SP3: variants seen among roughly 807,000 people sequenced by gnomAD.
SP3 encodes transcription factor Sp3.
A neutral mutation model predicts 70.3 loss-of-function variants in SP3; 10 were observed. The ratio of observed to expected loss-of-function variants is 0.14; its 90% CI spans 0.09 to 0.24. SP3 has a LOEUF of 0.24. Among genes scored for constraint, SP3 ranks in the 10% least tolerant of loss-of-function variants. The probability of loss-of-function intolerance (pLI) is 1.00; values close to 1 mark genes in which losing one functional copy is unlikely to be tolerated. For missense variants in SP3, 825 were observed against 914.6 expected (o/e 0.90, Z 1.26); for synonymous variants, 402 against 333.5 (o/e 1.21, Z -2.24).
At position 173,944,869 on chromosome 2, in the gene SP3, C is replaced by T. The variant is rs180975945; in HGVS notation, c.1639+10004G>A. On this transcript the variant is annotated intron_variant, in intron 4 of 6. Coordinates refer to ENST00000310015, the MANE Select transcript of SP3 (RefSeq NM_003111.5). ...CGGTGGTTCATGCCTGTAATCCCAGCACTTTGGGAGGCCAAGGCAGCTGGA... is the reference window on the plus strand; with the variant it reads ...CGGTGGTTCATGCCTGTAATCCCAGTACTTTGGGAGGCCAAGGCAGCTGGA... Among the ~76,000 whole-genome samples the T allele has an allele frequency of 6.6e-5, 10 of 152,296 alleles. 1 individual carries two copies. In the East Asian group the frequency reaches 1.7e-3, roughly 26 times the overall value.
At chr2:173,961,599 G>A (rs891566048) in intron 3 of SP3, among the ~76,000 whole-genome samples, 3 of 152,128 alleles carry the variant, frequency 2.0e-5, no homozygotes, top group African/African-American at 7.2e-5. Context: ...AGGGGAAGCT[G>A]GATGAAGGGT....
Position 173,906,442 on chromosome 2 carries a change from G to A in SP3, c.*3499C>T, listed in dbSNP as rs1160492069. On this transcript the variant is annotated 3_prime_UTR_variant, in exon 7 of 7. Coordinates refer to ENST00000310015, the MANE Select transcript of SP3 (RefSeq NM_003111.5). ...TTATTGTCAGACAACAAAAGACTTA[G>A]TACTCATTCATGGCAGTCAGTTTTA... 3.3e-5 allele frequency: 5 copies of A among 152,122 alleles called. No individual in the cohort carries two copies. The highest frequency in any genetic ancestry group is 6.6e-5 in the Admixed American group (1 of 15,266). The allele number at this position is 152,122 out of a possible 1,614,324, so 9.4% of individuals were successfully genotyped here. A position where few individuals can be genotyped will look rare whatever the true frequency, so the allele number is the denominator to read the frequency against.
At chr2:173,942,938 G>A (rs11674720) in intron 4 of SP3, among the ~76,000 whole-genome samples, 8,522 of 152,072 alleles carry the variant, frequency 0.056, 323 homozygotes, top group Non-Finnish European at 0.083. Flanking sequence ...ATTATATTAG[G>A]TATTATAAGT....
At chr2:173,949,447 C>T (rs1427933124) in intron 4 of SP3, among the ~76,000 whole-genome samples, 1 of 151,966 alleles carries the variant, frequency 6.6e-6, no homozygotes, top group East Asian at 1.9e-4. Context: ...GAGCACACTG[C>T]CAAGACACTA....
intron 4 of SP3, among the ~76,000 whole-genome samples, chr2:173,948,467 T>G (rs570872601): frequency 1.3e-5 from 2 of 152,234 alleles, no homozygotes; most frequent in South Asian, 4.1e-4. Flanking sequence ...TATATAGGGT[T>G]TGGTACTCCC....
chr2:173,960,862 G>C (rs1298356119), intron 3 of SP3, among the ~76,000 whole-genome samples: 1 of 152,148 alleles, frequency 6.6e-6, no homozygotes, highest in Non-Finnish European at 1.5e-5. Flanking sequence ...TGTCGTCCCA[G>C]TTACTCGGGA....
upstream of SP3, chr2:173,965,421 G>T: frequency 1.9e-6 from 1 of 538,426 alleles, no homozygotes; most frequent in South Asian, 2.2e-5. Context: ...ATTCGCCGCC[G>T]TGCTCTTTGT....
In SP3 at chr2:173,904,192, TG is replaced by T. The variant is rs1176479173; in HGVS notation, c.*5748del. ...GCAGGAATGCTCGCTTACCTCCTGC[TG>T]TATGGCCTGGTTCCTCACAGACCAG... On this transcript the variant is annotated 3_prime_UTR_variant, in exon 7 of 7. Coordinates refer to ENST00000310015, the MANE Select transcript of SP3 (RefSeq NM_003111.5). 3.3e-5 allele frequency among the ~76,000 whole-genome samples: 5 copies of T among 152,278 alleles called. No individual in the cohort carries two copies. In the East Asian group the frequency reaches 9.6e-4, roughly 29 times the overall value.
chr2:173,941,932 T>C (rs1156533942), intron 4 of SP3, among the ~76,000 whole-genome samples: 1 of 152,238 alleles, frequency 6.6e-6, no homozygotes, highest in African/African-American at 2.4e-5. Context: ...TTTTAGTCTA[T>C]TTCCATTGTT....
intron 4 of SP3, among the ~76,000 whole-genome samples, chr2:173,932,392 T>C (rs1559097958): frequency 6.6e-6 from 1 of 152,142 alleles, no homozygotes; most frequent in Non-Finnish European, 1.5e-5. Flanking sequence ...GGTTTCACCA[T>C]GTTGGCCAGG....
At chr2:173,960,947 G>A (rs1691052698) in intron 3 of SP3, among the ~76,000 whole-genome samples, 1 of 152,136 alleles carries the variant, frequency 6.6e-6, no homozygotes, top group African/African-American at 2.4e-5. Flanking sequence ...CTGCACTCCA[G>A]TCTGGGCGAC....
rs756679313 is a variant in SP3 at position 173,963,775 on chromosome 2, C to T, written c.265G>A (p.Ala89Thr). The change falls in exon 3 of 7, where the codon GCC becomes ACC. Residue 89 changes from alanine (A) to threonine (T), a missense_variant. Around this residue, in one of 4 missense-constraint regions of SP3, gnomAD observed 678 missense variants for 651.6 expected, o/e 1.04. Transcript: ENST00000310015. Reference protein sequence around the residue: ...EEAAAAAGAPAAAGATGDLAS... With the variant: ...EEAAAAAGAPTAAGATGDLAS... ...GCGGGACTTACCGCTCCGGCGGCGG[C>T]GGGGGCCCCGGCTGCGGCGGCCGCC... The T allele has an allele frequency of 3.8e-6, 5 of 1,324,410 alleles. No homozygotes were observed. The Admixed American group carries it at 9.7e-5, about 26-fold the overall frequency. 82.0% of individuals were successfully genotyped at this position (1,324,410 alleles called of 1,614,324 possible).
chr2:173,961,955 T>C (rs1418243726), intron 3 of SP3, among the ~76,000 whole-genome samples: 1 of 150,818 alleles, frequency 6.6e-6, no homozygotes, highest in Non-Finnish European at 1.5e-5. Flanking sequence ...TTTTTTTTTT[T>C]TTTTTAGGCA....
chr2:173,947,265 T>C (rs184589315), intron 4 of SP3, among the ~76,000 whole-genome samples: 1 of 152,326 alleles, frequency 6.6e-6, no homozygotes, highest in Admixed American at 6.5e-5. Flanking sequence ...CTTCTGAAAT[T>C]CCTACACTGG....
rs1689425537 is a variant in SP3 at position 173,909,783 on chromosome 2, A to G, written c.*158T>C. 3.4e-6 allele frequency: 2 copies of G among 583,406 alleles called. No individual in the cohort carries two copies. Among genetic ancestry groups the G allele is most frequent in the East Asian group, 5.9e-5 (2 of 33,622 alleles). The allele number at this position is 583,406 out of a possible 1,614,324, so 36.1% of individuals were successfully genotyped here. On this transcript the variant is annotated 3_prime_UTR_variant, in exon 7 of 7. Coordinates refer to ENST00000310015, the MANE Select transcript of SP3 (RefSeq NM_003111.5). Reference sequence around the variant, plus strand: ...TACCATTTTTAATATACTATGGAATATCATACAAAGTAAGGCATTTCAGTG... The same window carrying G: ...TACCATTTTTAATATACTATGGAATGTCATACAAAGTAAGGCATTTCAGTG...
In SP3 at chr2:173,956,101, C is replaced by T; in HGVS notation, c.411G>A (p.Gly137=). ...AATTCTGAAGGGGAAGAACATACTG[C>T]CCACTTGAAGTAGCAGCACTTGGAA... The part of the protein sequence containing the change: ...VQIPSAATSS[G]QYVLPLQNLQ... Residue 137 remains glycine, a synonymous_variant, in exon 4 of 7, where the codon GGG becomes GGA. Transcript: ENST00000310015. The T allele has an allele frequency of 3.7e-6, 6 of 1,614,112 alleles. No individual in the cohort carries two copies. The highest frequency in any genetic ancestry group is 5.1e-6 in the Non-Finnish European group (6 of 1,180,012).
At position 173,955,130 on chromosome 2, in the gene SP3, A is replaced by C; in HGVS notation, c.1382T>G (p.Val461Gly). 6.2e-7 allele frequency: 1 copy of C among 1,614,204 alleles called. No homozygotes were observed. ...TTGTACTTGAAACGTTTGCCAAGTT[A>C]CCTGTCCAGAAGGGGTCACTGTCTG... ...QAQTVTPSGQ[V>G]TWQTFQVQGV... Residue 461 changes from valine (V) to glycine (G), a missense_variant, in exon 4 of 7, where the codon GTA (valine) becomes GGA (glycine). By Grantham distance (109) the Val-to-Gly change is moderately radical (BLOSUM62 -3). Transcript: ENST00000310015.
intron 3 of SP3, among the ~76,000 whole-genome samples, chr2:173,959,541 C>G (rs1690995381): frequency 6.6e-6 from 1 of 151,918 alleles, no homozygotes. Context: ...GTCTGACCAA[C>G]ATGATGAAAC....
At chr2:173,951,885 G>C (rs1405060940) in intron 4 of SP3, among the ~76,000 whole-genome samples, 2 of 152,152 alleles carry the variant, frequency 1.3e-5, no homozygotes, top group Non-Finnish European at 2.9e-5. Flanking sequence ...CTATCATACA[G>C]ATCTTCCAAG....
Sources: allele counts gnomAD v4.1 joint callset (sites outside exome capture counted in the v4.1 genomes callset), GRCh38; gene constraint gnomAD v4.1.1; regional missense constraint gnomAD v4.1.1; transcripts MANE v1.5; gene names NCBI Gene and HGNC (gene_info 2026-07-23, HGNC 2026-07-21).